Variants in SLC22A23 observed in about 807,000 individuals in gnomAD.
SLC22A23 encodes ion transporter protein.
SLC22A23 carries 26 observed loss-of-function variants against 61.0 expected under a neutral mutation model. The ratio of observed to expected loss-of-function variants is 0.43; its 90% CI spans 0.31 to 0.59. The LOEUF is 0.59. Ranked by LOEUF, SLC22A23 falls within the 20% of genes least tolerant of loss-of-function variation. The pLI, the probability that SLC22A23 is intolerant of heterozygous loss-of-function variation, is 0.11. For synonymous variants in SLC22A23, 430 were observed against 413.9 expected (o/e 1.04, Z -0.47); for missense variants, 796 against 934.7 (o/e 0.85, Z 1.94).
chr6:3,454,143 C>A lies in SLC22A23; in HGVS notation c.654+1763G>T, dbSNP rs572086220. Among the ~76,000 whole-genome samples the A allele has an allele frequency of 1.3e-5, 2 of 152,212 alleles. No individual in the cohort carries two copies. Among genetic ancestry groups the A allele is most frequent in the South Asian group, 2.1e-4 (1 of 4,828 alleles). On this transcript the variant is annotated intron_variant, in intron 1 of 9. Coordinates refer to ENST00000406686, the MANE Select transcript of SLC22A23 (RefSeq NM_015482.2). This position sits in a 1 kb window ranked among gnomAD's most constrained non-coding sequence, Gnocchi z 4.3. ...TTGTTCCCAGGTTTCCCCTCTCAGT[C>A]TGGCCCAGTAACTGCAACGTGTCAT...
chr6:3,355,163 T>C (rs1764993897), intron 3 of SLC22A23, among the ~76,000 whole-genome samples: 1 of 151,650 alleles, frequency 6.6e-6, no homozygotes, highest in South Asian at 2.1e-4. Flanking sequence ...TCCCTGTCTT[T>C]GTGGCCGCCA....
rs545308881 is a variant in SLC22A23, at chr6:3,269,797, G to C, written c.*3258C>G. 6.5e-6 allele frequency: 1 copy of C among 152,846 alleles called. No homozygotes were observed. Among genetic ancestry groups the C allele is most frequent in the South Asian group, 2.1e-4 (1 of 4,838 alleles). The allele number at this position is 152,846 out of a possible 1,614,324, so 9.5% of individuals were successfully genotyped here. A position where few individuals can be genotyped will look rare whatever the true frequency, so the allele number is the denominator to read the frequency against. On this transcript the variant is annotated 3_prime_UTR_variant, in exon 10 of 10. Coordinates refer to ENST00000406686, the MANE Select transcript of SLC22A23 (RefSeq NM_015482.2). Reference sequence around the variant, plus strand: ...ACCTCCCCCGCACATGCGATACCTCGGGCCGGGCGGTGTGACCTCACAGGC... The same window carrying C: ...ACCTCCCCCGCACATGCGATACCTCCGGCCGGGCGGTGTGACCTCACAGGC...
rs1454316280 is a variant in SLC22A23 at position 3,454,814 on chromosome 6, G to A, written c.654+1092C>T. On this transcript the variant is annotated intron_variant, in intron 1 of 9. Transcript: ENST00000406686. The surrounding 1 kb of genome is among the most constrained non-coding windows in gnomAD (Gnocchi z 4.3). ...AAGAGTTTATCTTACACATCCATGA[G>A]CTACAACTGTTAACCAATGCACACG... Among the ~76,000 whole-genome samples, 1 of 152,194 alleles carries A rather than the reference G, an allele frequency of 6.6e-6. No homozygotes were observed. The highest frequency in any genetic ancestry group is 1.5e-5 in the Non-Finnish European group (1 of 68,042).
At position 3,273,368 on chromosome 6, in the gene SLC22A23, A is replaced by G. The variant is rs994469189; in HGVS notation, c.1748T>C (p.Met583Thr). 5 of 1,613,216 alleles carry G rather than the reference A, an allele frequency of 3.1e-6. No homozygotes were observed. The South Asian group carries it at 3.3e-5, about 11-fold the overall frequency. Residue 583 changes from methionine to threonine, a missense_variant, in exon 10 of 10, where the codon ATG (methionine) becomes ACG (threonine). Met to Thr is a moderately conservative substitution (Grantham distance 81). Coordinates refer to ENST00000406686, the MANE Select transcript of SLC22A23 (RefSeq NM_015482.2). ...CAGCTCGATGATGGGTGCCGTCAGC[A>G]TGCCGAAGCCCGCGCTGGCCAGCAC... ...GLVLASAGFG[M>T]LTAPIIELHN...
At chr6:3,370,777 G>A (rs1165411804) in intron 3 of SLC22A23, among the ~76,000 whole-genome samples, 1 of 152,210 alleles carries the variant, frequency 6.6e-6, no homozygotes, top group African/African-American at 2.4e-5. Flanking sequence ...AAACCAATAG[G>A]ACTTTCAAAG....
chr6:3,340,119 T>G (rs981398027), intron 3 of SLC22A23, among the ~76,000 whole-genome samples: 1 of 152,126 alleles, frequency 6.6e-6, no homozygotes, highest in African/African-American at 2.4e-5. Flanking sequence ...ACAAAAGCGG[T>G]ATTATCCAGG....
intron 4 of SLC22A23, among the ~76,000 whole-genome samples, chr6:3,299,435 G>A (rs1017917171): frequency 9.2e-5 from 14 of 152,122 alleles, no homozygotes; most frequent in East Asian, 1.9e-4. Context: ...ACTGCTAACC[G>A]CCTGTCACTG....
Position 3,377,291 on chromosome 6 carries a change from G to A in SLC22A23, c.913+32897C>T, listed in dbSNP as rs376845720. ...GCCCTAGTCTAGTATTATAGCCAGG[G>A]AAGGTGTAGGGAGGAAAGGGCTCTT... On this transcript the variant is annotated intron_variant, in intron 3 of 9. Coordinates refer to ENST00000406686, the MANE Select transcript of SLC22A23 (RefSeq NM_015482.2). Among the ~76,000 whole-genome samples the A allele has an allele frequency of 5.9e-5, 9 of 152,220 alleles. No homozygotes were observed. In the East Asian group the frequency reaches 1.4e-3, roughly 23 times the overall value.
chr6:3,350,116 C>T (rs1185004959), intron 3 of SLC22A23, among the ~76,000 whole-genome samples: 1 of 152,144 alleles, frequency 6.6e-6, no homozygotes. Context: ...CACACACACC[C>T]CAAATTTTCA....
At chr6:3,350,555 G>A (rs1291426482) in intron 3 of SLC22A23, among the ~76,000 whole-genome samples, 1 of 152,226 alleles carries the variant, frequency 6.6e-6, no homozygotes, top group African/African-American at 2.4e-5. Flanking sequence ...GTGGGGCAGA[G>A]ACCGTATGGC....
intron 5 of SLC22A23, among the ~76,000 whole-genome samples, chr6:3,293,766 C>G (rs1307376089): frequency 6.6e-6 from 1 of 152,220 alleles, no homozygotes; most frequent in Non-Finnish European, 1.5e-5. Flanking sequence ...GGTGGCCTGA[C>G]ATATCCACCC....
chr6:3,311,500 A>G (rs9378361), intron 4 of SLC22A23, among the ~76,000 whole-genome samples: 13,944 of 152,236 alleles, frequency 0.092, 902 homozygotes, highest in East Asian at 0.24. Flanking sequence ...ATAAGCTTGG[A>G]TTCTGTACAT....
chr6:3,324,362 T>TC lies in SLC22A23; in HGVS notation c.914-361dup, dbSNP rs1763155720. Among the ~76,000 whole-genome samples the TC allele has an allele frequency of 6.6e-6, 1 of 151,934 alleles. No individual in the cohort carries two copies. The highest frequency in any genetic ancestry group is 1.5e-5 in the Non-Finnish European group (1 of 67,972). On this transcript the variant is annotated intron_variant, in intron 3 of 9. Transcript: ENST00000406686. The surrounding 1 kb of genome is among the most constrained non-coding windows in gnomAD (Gnocchi z 4.3). The stretch of plus-strand genomic sequence containing the variant: ...TCACTGAGCTTGCTGTCCAGCACGT[T>TC]CCCCCCTCGTGCCCATCCTGTCGCC...
intron 1 of SLC22A23, among the ~76,000 whole-genome samples, chr6:3,416,372 G>A (rs11755556): frequency 0.13 from 20,039 of 152,318 alleles, 1,443 homozygotes; most frequent in Middle Eastern, 0.19. Context: ...AGCATTAGTA[G>A]TAAATGTTGA....
In SLC22A23 at chr6:3,422,592, C is replaced by T. The variant is rs552360920; in HGVS notation, c.655-6737G>A. 2.0e-5 allele frequency among the ~76,000 whole-genome samples: 3 copies of T among 152,218 alleles called. No individual in the cohort carries two copies. In the South Asian group the frequency reaches 6.2e-4, roughly 32 times the overall value. On this transcript the variant is annotated intron_variant, in intron 1 of 9. Transcript: ENST00000406686. ...TCTACTTTTTGCCTCTAAGCTCATC[C>T]TCCAATTTTAGGAGGTTTGCTGTCA... is the stretch of plus-strand genomic sequence containing the variant.
rs1765380066 is a variant in SLC22A23 at position 3,360,719 on chromosome 6, C to T, written c.914-36717G>A. 6.6e-6 allele frequency among the ~76,000 whole-genome samples: 1 copy of T among 152,230 alleles called. No individual in the cohort carries two copies. Among genetic ancestry groups the T allele is most frequent in the South Asian group, 2.1e-4 (1 of 4,832 alleles). ...AAGAGGCCCTCAAGCTGGCCTGAGC[C>T]CCCAAGGGGTCCTCAGTGATGTCGA... On this transcript the variant is annotated intron_variant, in intron 3 of 9. Transcript: ENST00000406686. This position sits in a 1 kb window ranked among gnomAD's most constrained non-coding sequence, Gnocchi z 4.6.
At chr6:3,363,553 TG>T (rs1765616471) in intron 3 of SLC22A23, among the ~76,000 whole-genome samples, 1 of 152,204 alleles carries the variant, frequency 6.6e-6, no homozygotes, top group Admixed American at 6.5e-5. Context: ...GGCTGCTGCC[TG>T]CGGCTGGCCC....
At chr6:3,398,966 C>T (rs1427359735) in intron 3 of SLC22A23, among the ~76,000 whole-genome samples, 6 of 152,118 alleles carry the variant, frequency 3.9e-5, no homozygotes, top group Non-Finnish European at 8.8e-5. Flanking sequence ...GAGGTCGAGA[C>T]TTCGGTCAGC....
chr6:3,295,071 C>T (rs1030424521), intron 5 of SLC22A23, among the ~76,000 whole-genome samples: 15 of 122,858 alleles, frequency 1.2e-4, no homozygotes, highest in African/African-American at 3.2e-4. Flanking sequence ...ACACCTGCTA[C>T]GCGTCGCGTC....
Sources: gnomAD v4.1 joint callset for allele counts (sites outside exome capture counted in the v4.1 genomes callset) on GRCh38, gnomAD v4.1.1 for gene constraint, Gnocchi (gnomAD v3.1) non-coding constraint, MANE v1.5 for transcripts, NCBI Gene and HGNC (gene_info 2026-07-23, HGNC 2026-07-21) for gene names.